The following EEF2K variants were observed in gnomAD, a reference collection of about 807,000 sequenced individuals.
EEF2K encodes the protein alternative protein EEF2K.
A neutral mutation model predicts 93.8 loss-of-function variants in EEF2K; 70 were observed. That is an observed-to-expected ratio of 0.75 (90% CI 0.62 to 0.91). The LOEUF (loss-of-function observed/expected upper bound fraction) is 0.91. Ranked by LOEUF, EEF2K falls within the 40% of genes least tolerant of loss-of-function variation. The probability of loss-of-function intolerance (pLI) is 0.00; values close to 1 mark genes in which losing one functional copy is unlikely to be tolerated. For missense variants in EEF2K, 935 were observed against 972.9 expected (o/e 0.96, Z 0.52); for synonymous variants, 376 against 380.8 (o/e 0.99, Z 0.15).
At chr16:22,258,743 G>A (rs1160142177) in intron 10 of EEF2K, 48 bp downstream of exon 10, 1 of 1,609,134 alleles carries the variant, frequency 6.2e-7, no homozygotes, top group East Asian at 2.2e-5. Flanking sequence ...GGGGACAGGT[G>A]GAGCAGAGCT....
chr16:22,263,886 G>A (rs187714387), intron 12 of EEF2K, among the ~76,000 whole-genome samples: 29 of 152,296 alleles, frequency 1.9e-4, no homozygotes, highest in Admixed American at 1.2e-3. Flanking sequence ...CCTGGTGAGG[G>A]CAACCTCAGA....
chr16:22,280,342 A>G lies in EEF2K; in HGVS notation c.2034A>G (p.Gly678=), dbSNP rs2047681170. 6.3e-7 allele frequency: 1 copy of G among 1,598,226 alleles called. No individual in the cohort carries two copies. Among genetic ancestry groups the G allele is most frequent in the South Asian group, 1.1e-5 (1 of 88,346 alleles). The change falls in exon 17 of 18, where the codon GGA becomes GGG. Residue 678 remains glycine (G), a synonymous_variant. Coordinates refer to ENST00000263026, the MANE Select transcript of EEF2K (RefSeq NM_013302.5). ...LAREAEMLFT[G]GYGLEKDPQR... is the part of the protein sequence containing the mutation. ...GGGAGGCCGAGATGCTGTTCACAGG[A>G]GGCTACGGGCTGGAGAAGGACCCGC...
At chr16:22,210,129 C>T (rs183204894) in intron 1 of EEF2K, among the ~76,000 whole-genome samples, 188 of 152,304 alleles carry the variant, frequency 1.2e-3, no homozygotes, top group Admixed American at 2.0e-3. Flanking sequence ...GAGTGAGTCA[C>T]TAACACGCTG....
At chr16:22,207,846 G>A (rs986238208) in intron 1 of EEF2K, among the ~76,000 whole-genome samples, 5 of 152,140 alleles carry the variant, frequency 3.3e-5, no homozygotes, top group African/African-American at 1.2e-4. Flanking sequence ...AATGCCCACT[G>A]TGTGTGTAAA....
chr16:22,209,988 G>T (rs1174484187), intron 1 of EEF2K, among the ~76,000 whole-genome samples: 2 of 151,956 alleles, frequency 1.3e-5, no homozygotes, highest in Non-Finnish European at 2.9e-5. Context: ...TAGAGATGGG[G>T]TCTCACTCTG....
At chr16:22,256,708 C>T (rs1427934266) in intron 6 of EEF2K, 40 bp from the exon 7 acceptor site, 22 of 1,601,520 alleles carry the variant, frequency 1.4e-5, no homozygotes, top group Non-Finnish European at 1.8e-5. Context: ...AGGAGGTGCG[C>T]CTGGGCCCTC....
chr16:22,262,724 G>A (rs62044790), intron 11 of EEF2K, among the ~76,000 whole-genome samples: 14,272 of 152,134 alleles, frequency 0.094, 715 homozygotes, highest in South Asian at 0.13. Flanking sequence ...TCGATGTAGG[G>A]GCTATAATGA....
At chr16:22,234,795 T>C (rs1216823627) in intron 2 of EEF2K, among the ~76,000 whole-genome samples, 2 of 151,740 alleles carry the variant, frequency 1.3e-5, no homozygotes, top group African/African-American at 4.8e-5. Context: ...TTGCCTTTTC[T>C]GGACGTTTTA....
intron 1 of EEF2K, among the ~76,000 whole-genome samples, chr16:22,225,052 G>T (rs1316830021): frequency 6.6e-6 from 1 of 152,128 alleles, no homozygotes; most frequent in Non-Finnish European, 1.5e-5. Context: ...TTTGATTTGG[G>T]GATTCACAGA....
At chr16:22,206,966 G>C (rs1027848289) in intron 1 of EEF2K, among the ~76,000 whole-genome samples, 4 of 152,232 alleles carry the variant, frequency 2.6e-5, no homozygotes. Context: ...AAGTGACAGA[G>C]AGTTTGGGGG....
chr16:22,258,703 A>G lies in EEF2K; in HGVS notation c.1231+8A>G, dbSNP rs2047434217. 1 of 1,614,064 alleles carries G rather than the reference A, an allele frequency of 6.2e-7. No individual in the cohort carries two copies. The highest frequency in any genetic ancestry group is 1.3e-5 in the African/African-American group (1 of 75,064). On this transcript the variant is annotated splice_region_variant and intron_variant, in intron 10 of 17. Coordinates refer to ENST00000263026, the MANE Select transcript of EEF2K (RefSeq NM_013302.5). ...AGAAGCTAGACCACCTCCGTGAGTG[A>G]CGGTTCGGTCCCTAGTCACTGTGAT...
intron 17 of EEF2K, 28 bp from the exon 18 acceptor site, chr16:22,283,859 C>T: frequency 6.4e-7 from 1 of 1,559,556 alleles, no homozygotes; most frequent in East Asian, 2.4e-5. Context: ...TGGTTCACCT[C>T]TTTTTGCCCC....
Position 22,250,142 on chromosome 16 carries a change from C to G in EEF2K, c.409-512C>G, listed in dbSNP as rs552907091. Among the ~76,000 whole-genome samples, 4 of 152,076 alleles carry G rather than the reference C, an allele frequency of 2.6e-5. No homozygotes were observed. The South Asian group carries it at 8.3e-4, about 32-fold the overall frequency. ...CCCAGGCTGGTCTTGAACTCCTGGC[C>G]TCAAGTGATCCTCTTGCCTCAGCCT... On this transcript the variant is annotated intron_variant, in intron 4 of 17. Coordinates refer to ENST00000263026, the MANE Select transcript of EEF2K (RefSeq NM_013302.5).
chr16:22,215,396 T>A (rs74014910), intron 1 of EEF2K, among the ~76,000 whole-genome samples: 3 of 152,062 alleles, frequency 2.0e-5, no homozygotes, highest in Non-Finnish European at 4.4e-5. Context: ...TGGTGGTGCA[T>A]GGAGATTGAT....
intron 1 of EEF2K, among the ~76,000 whole-genome samples, chr16:22,208,735 A>AC (rs1555467475): frequency 4.3e-4 from 58 of 133,932 alleles, no homozygotes; most frequent in African/African-American, 1.7e-3. Flanking sequence ...CCCGGTCTCT[A>AC]TTTAAAAAAA....
intron 2 of EEF2K, 113 bp downstream of exon 2, chr16:22,226,088 C>T: frequency 6.9e-7 from 1 of 1,449,254 alleles, no homozygotes. Flanking sequence ...GGACAGTGCT[C>T]TAAACTCTGA....
At chr16:22,208,692 G>A (rs2046887298) in intron 1 of EEF2K, among the ~76,000 whole-genome samples, 1 of 151,796 alleles carries the variant, frequency 6.6e-6, no homozygotes, top group South Asian at 2.1e-4. Flanking sequence ...TTGACCCCAG[G>A]AGTTCAAGAC....
intron 15 of EEF2K, among the ~76,000 whole-genome samples, chr16:22,268,501 C>CT (rs1486786788): frequency 6.6e-6 from 1 of 151,916 alleles, no homozygotes; most frequent in East Asian, 1.9e-4. Flanking sequence ...GGTTCTCACT[C>CT]TGTCACCCAA....
intron 1 of EEF2K, among the ~76,000 whole-genome samples, chr16:22,214,081 T>A (rs1421536658): frequency 1.3e-5 from 2 of 152,078 alleles, no homozygotes; most frequent in Non-Finnish European, 2.9e-5. Flanking sequence ...GGGAGCGAAG[T>A]GATTTAGGGA....
Sources: gnomAD v4.1 joint callset for allele counts (sites outside exome capture counted in the v4.1 genomes callset) on GRCh38, gnomAD v4.1.1 for gene constraint, MANE v1.5 for transcripts, NCBI Gene and HGNC (gene_info 2026-07-23, HGNC 2026-07-21) for gene names.